Variants in SALL1 observed in about 807,000 individuals in gnomAD.
SALL1 encodes sal-like protein 1.
SALL1 carries 10 observed loss-of-function variants against 73.1 expected under a neutral mutation model. The observed-to-expected ratio is 0.14, with a 90% CI of 0.08 to 0.23. The LOEUF (loss-of-function observed/expected upper bound fraction) is 0.23. Among genes scored for constraint, SALL1 ranks in the 10% least tolerant of loss-of-function variants. The pLI is 1.00. For missense variants in SALL1, 1,520 were observed against 1,697.3 expected (o/e 0.90, Z 1.84); for synonymous variants, 688 against 689.8 (o/e 1.00, Z 0.04).
At chr16:51,137,669 C>T (rs2143432857) in intron 2 of SALL1, 117 bp from the exon 3 acceptor site, 2 of 776,560 alleles carry the variant, frequency 2.6e-6, no homozygotes, top group East Asian at 5.3e-5. Context: ...GTCCACAAAG[C>T]AAGTGGCCTA....
chr16:51,141,921 T>G lies in SALL1; in HGVS notation c.301A>C (p.Thr101Pro). ...TCCACTTGATCTGTTTTGTTAACTG[T>G]GTCATTCATTTGTTCATCAGGATTA... is the stretch of plus-strand genomic sequence containing the variant. ...PDNPDEQMND[T>P]VNKTDQVDCS... Residue 101 changes from threonine (T) to proline (P), a missense_variant, in exon 2 of 3, where the codon ACA becomes CCA. Thr to Pro is a conservative substitution (Grantham distance 38, BLOSUM62 -1). Around this residue, in one of 7 missense-constraint regions of SALL1, gnomAD observed 540 missense variants for 567.5 expected, o/e 0.95. Transcript: ENST00000251020. This position sits in a 1 kb window ranked among gnomAD's most constrained non-coding sequence, Gnocchi z 5.4. 6.2e-7 allele frequency: 1 copy of G among 1,613,628 alleles called. No individual in the cohort carries two copies. The highest frequency in any genetic ancestry group is 8.5e-7 in the Non-Finnish European group (1 of 1,179,952).
In SALL1 at chr16:51,138,546, T is replaced by C. The variant is rs1172946954; in HGVS notation, c.3534+142A>G. ...CACCCTCTCCCCCATTTCTCCCCCG[T>C]CAACCATGTGCAGCAGGTTCCCTTG... On this transcript the variant is annotated intron_variant, in intron 2 of 2. Transcript: ENST00000251020. 4 of 1,124,398 alleles carry C rather than the reference T, an allele frequency of 3.6e-6. No homozygotes were observed. The Admixed American group carries it at 1.1e-4, about 31-fold the overall frequency. 69.7% of individuals were successfully genotyped at this position (1,124,398 alleles called of 1,614,324 possible).
intron 1 of SALL1, among the ~76,000 whole-genome samples, chr16:51,150,091 AC>A (rs771881253): frequency 3.9e-5 from 6 of 152,236 alleles, no homozygotes; most frequent in African/African-American, 4.8e-5. Context: ...ACCGTGAAAC[AC>A]CTTTAGGAGC....
chr16:51,150,028 C>G (rs1481163740), intron 1 of SALL1, among the ~76,000 whole-genome samples: 2 of 152,190 alleles, frequency 1.3e-5, no homozygotes, highest in African/African-American at 4.8e-5. Flanking sequence ...GGACCCGAGT[C>G]CGGGCGCCGC....
chr16:51,149,243 T>G (rs980271805), intron 1 of SALL1: 7 of 152,282 alleles, frequency 4.6e-5, no homozygotes, highest in African/African-American at 1.7e-4. Flanking sequence ...GCATCATTTC[T>G]CCTCGAAGGC....
chr16:51,140,236 C>T lies in SALL1; in HGVS notation c.1986G>A (p.Leu662=). ...AGSATTFTNP[L]LPLMSEQFKA... is the part of the protein sequence containing the mutation. ...TGAACTGCTCGGACATGAGCGGCAACAAAGGGTTGGTGAAGGTGGTGGCAC... is the reference window on the plus strand; with the variant it reads ...TGAACTGCTCGGACATGAGCGGCAATAAAGGGTTGGTGAAGGTGGTGGCAC... The change falls in exon 2 of 3, where the codon TTG becomes TTA. Residue 662 remains leucine, a synonymous_variant. Transcript: ENST00000251020. The surrounding 1 kb of genome is among the most constrained non-coding windows in gnomAD (Gnocchi z 5.7). The T allele has an allele frequency of 6.2e-7, 1 of 1,614,186 alleles. No individual in the cohort carries two copies. The highest frequency in any genetic ancestry group is 1.1e-5 in the South Asian group (1 of 91,084).
At chr16:51,150,354 C>T in intron 1 of SALL1, 1 of 968,734 alleles carries the variant, frequency 1.0e-6, no homozygotes, top group Non-Finnish European at 1.2e-6. Context: ...TAGGGAGCAC[C>T]ACGATCCGCA....
intron 1 of SALL1, among the ~76,000 whole-genome samples, chr16:51,143,047 T>A (rs1962468017): frequency 6.6e-6 from 1 of 152,228 alleles, no homozygotes; most frequent in African/African-American, 2.4e-5. Context: ...AAACATCAAC[T>A]TCAAGAAGGA....
chr16:51,148,873 T>C (rs1962555066), intron 1 of SALL1, among the ~76,000 whole-genome samples: 1 of 151,506 alleles, frequency 6.6e-6, no homozygotes, highest in South Asian at 2.1e-4. Context: ...CCTAAAACCA[T>C]TACTACTGAA....
rs1962387715 is a variant in SALL1 at position 51,139,982 on chromosome 16, C to T, written c.2240G>A (p.Gly747Glu). The T allele has an allele frequency of 6.2e-7, 1 of 1,614,200 alleles. No individual in the cohort carries two copies. Among genetic ancestry groups the T allele is most frequent in the Non-Finnish European group, 8.5e-7 (1 of 1,180,040 alleles). ...KICGRAFTTK[G>E]NLKTHYSVHR... ...GACACTGTAGTGGGTTTTAAGATTC[C>T]CTTTCGTGGTGAAAGCCCGGCCACA... Residue 747 changes from glycine (G) to glutamate (E), a missense_variant, in exon 2 of 3, where the codon GGG (glycine) becomes GAG (glutamate). By Grantham distance (98) the Gly-to-Glu change is moderately conservative (BLOSUM62 -2). Transcript: ENST00000251020.
chr16:51,142,129 A>G lies in SALL1; in HGVS notation c.93T>C (p.Gly31=). The G allele has an allele frequency of 6.2e-7, 1 of 1,612,668 alleles. No individual in the cohort carries two copies. Among genetic ancestry groups the G allele is most frequent in the Non-Finnish European group, 8.5e-7 (1 of 1,179,798 alleles). The change falls in exon 2 of 3, where the codon GGT becomes GGC. Residue 31 remains glycine (G), a synonymous_variant. Transcript: ENST00000251020. ...TGCTCTTAGTAGGGCGACTCGGTTG[A>G]CCCTTTTCTGTGTCTCCTACAAATG... ...LPRRDGDTEK[G]QPSRPTKSKD...
At chr16:51,142,226 T>A (rs1962454745) in intron 1 of SALL1, 81 bp from the exon 2 acceptor site, 6 of 1,127,878 alleles carry the variant, frequency 5.3e-6, no homozygotes, top group South Asian at 1.3e-5. Flanking sequence ...AAAAGGCTAA[T>A]CAATGGTTTT....
At chr16:51,152,213 G>A (rs1962634716), upstream of SALL1, 1 of 152,198 alleles carries the variant, frequency 6.6e-6, no homozygotes, top group Admixed American at 6.5e-5. Context: ...GGGGGGAGGG[G>A]CAGTTCTCCC....
Position 51,139,042 on chromosome 16 carries a change from G to T in SALL1, c.3180C>A (p.Leu1060=), listed in dbSNP as rs142054182. ...GGCCAAGGTTGGAACTGGGCTCAAAGAGCTGGGATGGCAGATCTCGCATCT... is the reference window on the plus strand; with the variant it reads ...GGCCAAGGTTGGAACTGGGCTCAAATAGCTGGGATGGCAGATCTCGCATCT... ...THQMRDLPSQ[L]FEPSSNLGPN... Residue 1060 remains leucine (L), a synonymous_variant, in exon 2 of 3, where the codon CTC becomes CTA. Coordinates refer to ENST00000251020, the MANE Select transcript of SALL1 (RefSeq NM_002968.3). 3.1e-4 allele frequency: 508 copies of T among 1,614,224 alleles called. 3 individuals are homozygous for T. In the African/African-American group the frequency reaches 6.0e-3, roughly 19 times the overall value.
In SALL1 at chr16:51,141,217, G is replaced by A. The variant is rs972073520; in HGVS notation, c.1005C>T (p.Ser335=). ...SSGNTIIPSN[S]GSSPNMNILA... ...ATATGTTCATATTGGGAGAAGAGCC[G>A]CTGTTGGATGGAATGATGGTGTTGC... Residue 335 remains serine, a synonymous_variant, in exon 2 of 3, where the codon AGC becomes AGT. Coordinates refer to ENST00000251020, the MANE Select transcript of SALL1 (RefSeq NM_002968.3). This position sits in a 1 kb window ranked among gnomAD's most constrained non-coding sequence, Gnocchi z 5.4. The A allele has an allele frequency of 5.6e-6, 9 of 1,613,996 alleles. No homozygotes were observed. Among genetic ancestry groups the A allele is most frequent in the Admixed American group, 1.7e-5 (1 of 60,004 alleles).
At chr16:51,138,083 T>C (rs1962344666) in intron 2 of SALL1, among the ~76,000 whole-genome samples, 1 of 152,218 alleles carries the variant, frequency 6.6e-6, no homozygotes, top group Non-Finnish European at 1.5e-5. Flanking sequence ...AGAAATACTC[T>C]GTCAACAGAA....
In SALL1 at chr16:51,140,209, C is replaced by T. The variant is rs1444367705; in HGVS notation, c.2013G>A (p.Lys671=). Residue 671 remains lysine (K), a synonymous_variant, in exon 2 of 3, where the codon AAG becomes AAA. Coordinates refer to ENST00000251020, the MANE Select transcript of SALL1 (RefSeq NM_002968.3). The surrounding 1 kb of genome is among the most constrained non-coding windows in gnomAD (Gnocchi z 5.7). ...GGAGTCCCCCAAAAGGAAACTTGGC[C>T]TTGAACTGCTCGGACATGAGCGGCA... ...PLLPLMSEQF[K]AKFPFGGLLD... 2 of 1,614,204 alleles carry T rather than the reference C, an allele frequency of 1.2e-6. No homozygotes were observed. The highest frequency in any genetic ancestry group is 1.1e-5 in the South Asian group (1 of 91,086).
chr16:51,140,537 G>T lies in SALL1; in HGVS notation c.1685C>A (p.Thr562Asn). The change falls in exon 2 of 3, where the codon ACC becomes AAC. Residue 562 changes from threonine (T) to asparagine (N), a missense_variant. By Grantham distance (65) the Thr-to-Asn change is moderately conservative. This residue lies in a region of SALL1 where 276 missense variants were observed against 259.1 expected (regional missense o/e 1.07). Coordinates refer to ENST00000251020, the MANE Select transcript of SALL1 (RefSeq NM_002968.3). The surrounding 1 kb of genome is among the most constrained non-coding windows in gnomAD (Gnocchi z 5.7). ...TTSVGLPLPP[T>N]LPSLIPFIKT... ...GATGAAGGGTATGAGGCTTGGGAGG[G>T]TTGGGGGCAACGGCAGGCCGACTGA... The T allele has an allele frequency of 6.2e-7, 1 of 1,614,038 alleles. No homozygotes were observed. The highest frequency in any genetic ancestry group is 8.5e-7 in the Non-Finnish European group (1 of 1,179,952).
At position 51,136,587 on chromosome 16, in the gene SALL1, T is replaced by C. The variant is rs891588598; in HGVS notation, c.*525A>G. On this transcript the variant is annotated 3_prime_UTR_variant, in exon 3 of 3. Coordinates refer to ENST00000251020, the MANE Select transcript of SALL1 (RefSeq NM_002968.3). ...CCAAACCTTTCAAAGAACCACACTGTTCAGTCTGTACTTTCAGTCCTTTCC... is the reference window on the plus strand; with the variant it reads ...CCAAACCTTTCAAAGAACCACACTGCTCAGTCTGTACTTTCAGTCCTTTCC... The C allele has an allele frequency of 6.4e-6, 1 of 156,472 alleles. No homozygotes were observed. The highest frequency in any genetic ancestry group is 2.4e-5 in the African/African-American group (1 of 41,490). The allele number at this position is 156,472 out of a possible 1,614,324, so 9.7% of individuals were successfully genotyped here. A position where few individuals can be genotyped will look rare whatever the true frequency, so the allele number is the denominator to read the frequency against.
Sources: allele counts gnomAD v4.1 joint callset (sites outside exome capture counted in the v4.1 genomes callset), GRCh38; gene constraint gnomAD v4.1.1; regional missense constraint gnomAD v4.1.1; non-coding constraint Gnocchi (gnomAD v3.1); transcripts MANE v1.5; gene names NCBI Gene and HGNC (gene_info 2026-07-23, HGNC 2026-07-21).